TBC1D2B: variants seen among roughly 807,000 people sequenced by gnomAD.
TBC1D2B encodes the protein TBC1 domain family, member 2B.
Under a neutral mutation model 100.8 loss-of-function variants are expected in TBC1D2B, and 64 were observed. The observed-to-expected ratio is 0.64, with a 90% CI of 0.52 to 0.78. The LOEUF is 0.78. Ranked by LOEUF, TBC1D2B falls within the 30% of genes least tolerant of loss-of-function variation. TBC1D2B has a pLI of 0.00. For synonymous variants in TBC1D2B, 480 were observed against 479.7 expected (o/e 1.00, Z -0.01); for missense variants, 1,052 against 1,218.4 (o/e 0.86, Z 2.03).
At chr15:78,035,161 C>T (rs954141701) in intron 3 of TBC1D2B, among the ~76,000 whole-genome samples, 3 of 152,190 alleles carry the variant, frequency 2.0e-5, no homozygotes, top group Admixed American at 6.5e-5. Context: ...TGAGGCACCA[C>T]GAAGCAGCAA....
chr15:78,042,061 G>A (rs1372162578), intron 3 of TBC1D2B, among the ~76,000 whole-genome samples: 2 of 152,152 alleles, frequency 1.3e-5, no homozygotes, highest in Non-Finnish European at 2.9e-5. Flanking sequence ...TAATCACTGT[G>A]TTACACGGCA....
Position 77,998,206 on chromosome 15 carries a change from C to A in TBC1D2B, c.2846G>T (p.Ser949Ile). The stretch of plus-strand genomic sequence containing the variant: ...ACTGACCAGCTCACCCTTGTCAGGG[C>A]TGGTGTCCCGCTCACGCAGGAAGTC... ...REDFLRERDT[S>I]PDKGELVSDE... is the part of the protein sequence containing the mutation. Residue 949 changes from serine (S) to isoleucine (I), a missense_variant, in exon 13 of 13, where the codon AGC (serine) becomes ATC (isoleucine). Ser to Ile is a moderately radical substitution (Grantham distance 142, BLOSUM62 -2). Transcript: ENST00000300584. The A allele has an allele frequency of 6.4e-7, 1 of 1,561,462 alleles. No homozygotes were observed. Among genetic ancestry groups the A allele is most frequent in the Non-Finnish European group, 8.7e-7 (1 of 1,153,094 alleles).
intron 9 of TBC1D2B, among the ~76,000 whole-genome samples, chr15:78,011,546 C>T (rs1468835035): frequency 2.0e-5 from 3 of 150,590 alleles, no homozygotes; most frequent in Non-Finnish European, 1.5e-5. Flanking sequence ...TCACAGCTCA[C>T]CGCAGCCTCA....
intron 6 of TBC1D2B, among the ~76,000 whole-genome samples, chr15:78,022,381 T>C (rs2072537231): frequency 6.6e-6 from 1 of 152,062 alleles, no homozygotes; most frequent in African/African-American, 2.4e-5. Context: ...TACATAAAAA[T>C]AAAAATTTCT....
Position 78,077,276 on chromosome 15 carries a change from G to C in TBC1D2B, c.360+17C>G, listed in dbSNP as rs1168056030. 11 of 1,450,236 alleles carry C rather than the reference G, an allele frequency of 7.6e-6. No individual in the cohort carries two copies. The South Asian group carries it at 1.5e-4, about 20-fold the overall frequency. The allele number at this position is 1,450,236 out of a possible 1,614,324, so 89.8% of individuals were successfully genotyped here. On this transcript the variant is annotated intron_variant, in intron 1 of 12. Coordinates refer to ENST00000300584, the MANE Select transcript of TBC1D2B (RefSeq NM_144572.2). The stretch of plus-strand genomic sequence containing the variant: ...CCGGCGGAAGCGCGCGGGCGGCTTT[G>C]GGGCGAGCGGTCCCACCTTGAGCAC...
intron 12 of TBC1D2B, 61 bp from the exon 13 acceptor site, chr15:77,998,416 A>C: frequency 2.7e-6 from 4 of 1,457,948 alleles, no homozygotes; most frequent in Non-Finnish European, 3.7e-6. Context: ...GCTCACACAC[A>C]GCCCTCACAG....
At chr15:78,063,085 T>A (rs552066988) in intron 1 of TBC1D2B, among the ~76,000 whole-genome samples, 26 of 151,664 alleles carry the variant, frequency 1.7e-4, no homozygotes, top group Admixed American at 1.5e-3. Flanking sequence ...AAGTACTCAT[T>A]AGGTATCAAC....
At position 78,035,607 on chromosome 15, in the gene TBC1D2B, T is replaced by A. The variant is rs561333397; in HGVS notation, c.684-5437A>T. Among the ~76,000 whole-genome samples, 75 of 151,874 alleles carry A rather than the reference T, an allele frequency of 4.9e-4. No individual in the cohort carries two copies. The South Asian group carries it at 6.6e-3, about 13-fold the overall frequency. On this transcript the variant is annotated intron_variant, in intron 3 of 12. Transcript: ENST00000300584. ...CAAAGGTGGCGGGGCAGGGAGGAGG[T>A]TGTGTGGGGGGGTTTCCTCTGACTG...
chr15:78,004,160 C>T (rs1339635867), intron 10 of TBC1D2B, among the ~76,000 whole-genome samples: 4 of 152,188 alleles, frequency 2.6e-5, no homozygotes, highest in Admixed American at 1.3e-4. Context: ...GCACGACAGA[C>T]GAGCAATACC....
intron 3 of TBC1D2B, among the ~76,000 whole-genome samples, chr15:78,036,300 A>T (rs1022491623): frequency 6.6e-6 from 1 of 152,234 alleles, no homozygotes; most frequent in Admixed American, 6.5e-5. Context: ...CTAAGAAGGC[A>T]GGCCAAATGG....
intron 1 of TBC1D2B, among the ~76,000 whole-genome samples, chr15:78,055,113 G>C (rs2073393486): frequency 6.6e-6 from 1 of 152,158 alleles, no homozygotes; most frequent in Non-Finnish European, 1.5e-5. Context: ...GTAACACCCT[G>C]AGAAGGCAAA....
chr15:78,053,945 AATTC>A, intron 2 of TBC1D2B, 85 bp downstream of exon 2: 1 of 1,363,656 alleles, frequency 7.3e-7, no homozygotes, highest in Non-Finnish European at 9.9e-7. Flanking sequence ...TTTCTTTCTA[AATTC>A]ATTTTCATTC....
rs760703899 is a variant in TBC1D2B, at chr15:78,013,325, TAAAAAC to T, written c.1776-14_1776-9del. ...CCATAAATATCATATTCACTGTTGA[TAAAAAC>T]AAAAGGAAAAATTAAAATGACAAAG... On this transcript the variant is annotated splice_polypyrimidine_tract_variant and intron_variant, in intron 8 of 12. Transcript: ENST00000300584. The T allele has an allele frequency of 1.9e-6, 3 of 1,569,790 alleles. No individual in the cohort carries two copies. In the South Asian group the frequency reaches 3.5e-5, roughly 18 times the overall value.
In TBC1D2B at chr15:78,077,422, C is replaced by G; in HGVS notation, c.231G>C (p.Leu77=). The G allele has an allele frequency of 6.5e-7, 1 of 1,545,942 alleles. No homozygotes were observed. Among genetic ancestry groups the G allele is most frequent in the South Asian group, 1.2e-5 (1 of 83,632 alleles). Residue 77 remains leucine (L), a synonymous_variant, in exon 1 of 13, where the codon CTG becomes CTC. Coordinates refer to ENST00000300584, the MANE Select transcript of TBC1D2B (RefSeq NM_144572.2). ...LYYFKSPQDA[L]PLGHLDIADA... ...CCGCGATGTCCAAGTGGCCGAGGGG[C>G]AGCGCGTCCTGCGGACTCTTGAAAT...
intron 3 of TBC1D2B, among the ~76,000 whole-genome samples, chr15:78,033,420 T>C (rs1325894706): frequency 6.6e-6 from 1 of 152,174 alleles, no homozygotes; most frequent in Non-Finnish European, 1.5e-5. Flanking sequence ...ATAAGGAGTA[T>C]GATTCCATTT....
intron 3 of TBC1D2B, among the ~76,000 whole-genome samples, chr15:78,039,590 C>A (rs1208803323): frequency 3.9e-5 from 6 of 152,146 alleles, no homozygotes; most frequent in African/African-American, 1.4e-4. Flanking sequence ...ACTCACTTCA[C>A]CTACTGGCTC....
At position 78,044,842 on chromosome 15, in the gene TBC1D2B, C is replaced by T. The variant is rs541196463; in HGVS notation, c.683+58G>A. On this transcript the variant is annotated intron_variant, in intron 3 of 12. Transcript: ENST00000300584. Reference sequence around the variant, plus strand: ...TATAACTTCATTTATAAAATTATAACATACATTATCAGAAACAACCCATTT... The same window carrying T: ...TATAACTTCATTTATAAAATTATAATATACATTATCAGAAACAACCCATTT... The T allele has an allele frequency of 1.1e-4, 161 of 1,402,918 alleles. 1 individual carries two copies. In the African/African-American group the frequency reaches 2.2e-3, roughly 19 times the overall value. The allele number at this position is 1,402,918 out of a possible 1,614,324, so 86.9% of individuals were successfully genotyped here.
intron 1 of TBC1D2B, 122 bp from the exon 2 acceptor site, chr15:78,054,309 G>T: frequency 1.0e-6 from 1 of 994,906 alleles, no homozygotes; most frequent in South Asian, 2.4e-5. Flanking sequence ...AACAGATCAA[G>T]GAAACTTCAG....
intron 9 of TBC1D2B, among the ~76,000 whole-genome samples, chr15:78,011,472 T>C (rs1249726494): frequency 8.1e-6 from 1 of 123,644 alleles, no homozygotes; most frequent in South Asian, 2.4e-4. Flanking sequence ...ATCCATATCT[T>C]TTTTTTTTTT....
Sources: gnomAD v4.1 joint callset for allele counts (sites outside exome capture counted in the v4.1 genomes callset) on GRCh38, gnomAD v4.1.1 for gene constraint, MANE v1.5 for transcripts, NCBI Gene and HGNC (gene_info 2026-07-23, HGNC 2026-07-21) for gene names.